Variants in NSD2 observed in about 807,000 individuals in gnomAD.
The protein encoded by NSD2 is histone-lysine N-methyltransferase NSD2.
NSD2 carries 12 observed loss-of-function variants against 139.0 expected under a neutral mutation model. The observed-to-expected ratio is 0.09, with a 90% CI of 0.06 to 0.14. NSD2 has a LOEUF of 0.14. NSD2 is among the 10% of genes least tolerant of loss of function. The pLI, the probability that NSD2 is intolerant of heterozygous loss-of-function variation, is 1.00. For synonymous variants in NSD2, 669 were observed against 648.7 expected, an observed-to-expected ratio of 1.03 and a Z score of -0.48; for missense variants, 1,155 against 1,745.0, an observed-to-expected ratio of 0.66 and a Z score of 6.02.
intron 9 of NSD2, among the ~76,000 whole-genome samples, chr4:1,949,235 T>C (rs17132090): frequency 0.074 from 11,211 of 152,328 alleles, 1,390 homozygotes; most frequent in African/African-American, 0.26. Context: ...GCTGTGGCTC[T>C]TGCAGGGCCC....
chr4:1,929,044 G>A (rs543922560), intron 5 of NSD2, among the ~76,000 whole-genome samples: 64 of 152,228 alleles, frequency 4.2e-4, no homozygotes, highest in African/African-American at 1.4e-3. Flanking sequence ...ACCCAGAACT[G>A]CAGAAGGTGT....
chr4:1,878,433 T>C (rs1054257744), intron 1 of NSD2, among the ~76,000 whole-genome samples: 1 of 151,788 alleles, frequency 6.6e-6, no homozygotes, highest in Non-Finnish European at 1.5e-5. Flanking sequence ...AATTATTCTG[T>C]TGCTATCTGG....
intron 1 of NSD2, among the ~76,000 whole-genome samples, chr4:1,898,402 C>T (rs1006724137): frequency 6.6e-5 from 10 of 152,190 alleles, no homozygotes; most frequent in African/African-American, 2.2e-4. Context: ...CGGTGGCTCA[C>T]GCCTGTAATC....
chr4:1,918,414 C>T lies in NSD2; in HGVS notation c.1201C>T (p.Arg401Trp), dbSNP rs1211896693. The T allele has an allele frequency of 3.0e-5, 48 of 1,613,950 alleles. No individual in the cohort carries two copies. Among genetic ancestry groups the T allele is most frequent in the Non-Finnish European group, 3.9e-5 (46 of 1,180,032 alleles). The stretch of plus-strand genomic sequence containing the variant: ...AGAGTGCATTCCCATGAAGAGAAGG[C>T]GGAGGGCCAAACTGTGTAGCTCTGC... ...REECIPMKRR[R>W]RAKLCSSAET... The change falls in exon 5 of 22, where the codon CGG (arginine) becomes TGG (tryptophan). Residue 401 changes from arginine to tryptophan, a missense_variant. Physicochemically the swap from Arg to Trp is moderately radical, Grantham distance 101. This residue lies in a region of NSD2 where 420 missense variants were observed against 469.0 expected (regional missense o/e 0.90). Transcript: ENST00000508803.
chr4:1,896,144 C>G (rs572577730), intron 1 of NSD2, among the ~76,000 whole-genome samples: 23 of 152,362 alleles, frequency 1.5e-4, no homozygotes, highest in African/African-American at 5.5e-4. Context: ...CAGCTCCACA[C>G]TTGGTGCTCC....
intron 9 of NSD2, chr4:1,944,313 C>T (rs976983105): frequency 4.7e-6 from 5 of 1,066,080 alleles, no homozygotes; most frequent in East Asian, 9.9e-5. Context: ...TTAGGGAGGA[C>T]CATTGGCTTG....
chr4:1,933,482 C>CTCACT (rs1721923270), intron 6 of NSD2, among the ~76,000 whole-genome samples: 1 of 152,078 alleles, frequency 6.6e-6, no homozygotes, highest in South Asian at 2.1e-4. Flanking sequence ...CTCCGCCTGG[C>CTCACT]GGGTTCATGC....
chr4:1,963,904 A>C (rs116267834), intron 18 of NSD2, among the ~76,000 whole-genome samples: 1,922 of 152,338 alleles, frequency 0.013, 22 homozygotes, highest in Non-Finnish European at 0.021. Flanking sequence ...AGGCTGAGGC[A>C]GGAGGACTGC....
Position 1,948,705 on chromosome 4 carries a change from T to G in NSD2, c.1882-2367T>G. ...TTTATATATTTCCATTCAAAATATG[T>G]ATTCAGTGTTTATTTCCTCAAAACA... On this transcript the variant is annotated intron_variant, in intron 9 of 21. Transcript: ENST00000508803. The surrounding 1 kb of genome is among the most constrained non-coding windows in gnomAD (Gnocchi z 4.5). The G allele has an allele frequency of 2.8e-6, 3 of 1,053,502 alleles. No homozygotes were observed. Among genetic ancestry groups the G allele is most frequent in the Non-Finnish European group, 3.4e-6 (3 of 870,790 alleles). 65.3% of individuals were successfully genotyped at this position (1,053,502 alleles called of 1,614,324 possible).
At position 1,948,251 on chromosome 4, in the gene NSD2, CTG is replaced by C. The variant is rs1723843756; in HGVS notation, c.1882-2817_1882-2816del. ...ACAACGGGAAAGTTCTTGACAGAGT[CTG>C]TGTCCGCTCAGTCCCTGCACTTTTC... On this transcript the variant is annotated intron_variant, in intron 9 of 21. Transcript: ENST00000508803. This position sits in a 1 kb window ranked among gnomAD's most constrained non-coding sequence, Gnocchi z 4.5. 1.9e-6 allele frequency: 2 copies of C among 1,064,940 alleles called. No homozygotes were observed. Among genetic ancestry groups the C allele is most frequent in the Non-Finnish European group, 2.3e-6 (2 of 878,546 alleles). 66.0% of individuals were successfully genotyped at this position (1,064,940 alleles called of 1,614,324 possible).
chr4:1,911,885 T>C (rs936651021), intron 3 of NSD2, among the ~76,000 whole-genome samples: 2 of 152,312 alleles, frequency 1.3e-5, no homozygotes, highest in South Asian at 2.1e-4. Context: ...CTGCTTTTTT[T>C]CCCACCTGAC....
chr4:1,929,445 G>A lies in NSD2; in HGVS notation c.1411-1181G>A, dbSNP rs533045883. Among the ~76,000 whole-genome samples, 43 of 152,218 alleles carry A rather than the reference G, an allele frequency of 2.8e-4. 1 individual carries two copies. The South Asian group carries it at 7.7e-3, about 27-fold the overall frequency. ...GGCAGAGACAGTGCCTTCACTTGCC[G>A]AAGTCCACAGAACTACCCAGTAGAG... On this transcript the variant is annotated intron_variant, in intron 5 of 21. Transcript: ENST00000508803.
Position 1,904,228 on chromosome 4 carries a change from A to G in NSD2, c.610A>G (p.Lys204Glu). 1 of 1,613,284 alleles carries G rather than the reference A, an allele frequency of 6.2e-7. No individual in the cohort carries two copies. The highest frequency in any genetic ancestry group is 8.5e-7 in the Non-Finnish European group (1 of 1,179,522). The change falls in exon 3 of 22, where the codon AAA (lysine) becomes GAA (glutamate). Residue 204 changes from lysine (K) to glutamate (E), a missense_variant. This residue lies in a region of NSD2 where 246 missense variants were observed against 262.8 expected (regional missense o/e 0.94). Transcript: ENST00000508803. ...TGTTCATTTTCAGATTCCAGCTAAG[A>G]AAGAGTCTTGTCCAAACACTGGAAG... ...SPSDKKIPAK[K>E]ESCPNTGRDK...
chr4:1,877,352 AG>A (rs569248816), intron 1 of NSD2, among the ~76,000 whole-genome samples: 1 of 152,192 alleles, frequency 6.6e-6, no homozygotes, highest in African/African-American at 2.4e-5. Context: ...CCCAGTCTTC[AG>A]GGGGTGACTC....
At chr4:1,925,519 C>T (rs970436293) in intron 5 of NSD2, among the ~76,000 whole-genome samples, 1 of 149,152 alleles carries the variant, frequency 6.7e-6, no homozygotes, top group Non-Finnish European at 1.5e-5. Context: ...CTGCCTCAGC[C>T]TCCCGAGTTG....
chr4:1,892,457 T>C (rs1715654946), intron 1 of NSD2, among the ~76,000 whole-genome samples: 1 of 152,238 alleles, frequency 6.6e-6, no homozygotes, highest in Non-Finnish European at 1.5e-5. Context: ...ATATATTCCA[T>C]GAAATGTGAA....
intron 9 of NSD2, among the ~76,000 whole-genome samples, chr4:1,949,075 C>A (rs1162041257): frequency 1.3e-5 from 2 of 152,206 alleles, no homozygotes; most frequent in African/African-American, 4.8e-5. Context: ...TTCCCCATGC[C>A]CTGTGCTCCC....
chr4:1,902,224 TTTTATTTA>T (rs934667605), intron 2 of NSD2, among the ~76,000 whole-genome samples: 1 of 152,070 alleles, frequency 6.6e-6, no homozygotes, highest in Non-Finnish European at 1.5e-5. Context: ...AGTTTTTAAA[TTTTATTTA>T]TTTATTTATT....
chr4:1,944,869 T>A, intron 9 of NSD2: 1 of 1,063,516 alleles, frequency 9.4e-7, no homozygotes, highest in Non-Finnish European at 1.1e-6. Context: ...ATCTCAGTGC[T>A]GTCTTGAGTA....
Sources: allele counts gnomAD v4.1 joint callset (sites outside exome capture counted in the v4.1 genomes callset), GRCh38; gene constraint gnomAD v4.1.1; regional missense constraint gnomAD v4.1.1; non-coding constraint Gnocchi (gnomAD v3.1); transcripts MANE v1.5; gene names NCBI Gene and HGNC (gene_info 2026-07-23, HGNC 2026-07-21).